The following CLIP2 variants were observed in gnomAD, a reference collection of about 807,000 sequenced individuals.
The protein encoded by CLIP2 is CAP-Gly domain containing linker protein 2.
In CLIP2, 41 loss-of-function variants were observed where a neutral mutation model predicts 111.7. That is an observed-to-expected ratio of 0.37 (90% confidence interval 0.29 to 0.48). CLIP2 has a LOEUF of 0.48. Ranked by LOEUF, CLIP2 falls within the 20% of genes least tolerant of loss-of-function variation. CLIP2 has a pLI of 0.99. For synonymous variants in CLIP2, 660 were observed against 644.2 expected, an observed-to-expected ratio of 1.02 and a Z score of -0.37; for missense variants, 1,160 against 1,422.1, an observed-to-expected ratio of 0.82 and a Z score of 2.96.
chr7:74,373,647 A>G (rs1790701615), intron 9 of CLIP2, among the ~76,000 whole-genome samples: 1 of 152,118 alleles, frequency 6.6e-6, no homozygotes. Flanking sequence ...GAGACCCCCC[A>G]GTCTCCCCGA....
chr7:74,371,332 G>A (rs1004357630), intron 8 of CLIP2, among the ~76,000 whole-genome samples: 6 of 151,788 alleles, frequency 4.0e-5, no homozygotes, highest in Admixed American at 6.6e-5. Context: ...CGAAGCTGGA[G>A]GCTTTTTCTT....
intron 11 of CLIP2, among the ~76,000 whole-genome samples, chr7:74,382,015 A>G (rs1189284755): frequency 2.6e-5 from 4 of 152,180 alleles, no homozygotes; most frequent in East Asian, 3.8e-4. Flanking sequence ...ATCTTTGCCA[A>G]TCTGAAAGGT....
rs141766786 is a variant in CLIP2 at position 74,316,734 on chromosome 7, G to A, written c.-67-746G>A. 1.2e-3 allele frequency among the ~76,000 whole-genome samples: 175 copies of A among 152,110 alleles called. 1 individual carries two copies. Among genetic ancestry groups the A allele is most frequent in the African/African-American group, 4.0e-3 (168 of 41,500 alleles). ...GTGCTACTAAGCCTGGCTAATTTTT[G>A]TATTTTTAGTAGACACAGGGTTTCA... On this transcript the variant is annotated intron_variant, in intron 1 of 16. Coordinates refer to ENST00000223398, the MANE Select transcript of CLIP2 (RefSeq NM_003388.5).
intron 6 of CLIP2, among the ~76,000 whole-genome samples, 165 bp downstream of exon 6, chr7:74,357,642 A>G (rs542212178): frequency 6.6e-6 from 1 of 152,290 alleles, no homozygotes; most frequent in Non-Finnish European, 1.5e-5. Context: ...TGACCTGGTG[A>G]ATTTCCTTCC....
chr7:74,301,782 G>A (rs375864865), intron 1 of CLIP2, among the ~76,000 whole-genome samples: 2 of 151,164 alleles, frequency 1.3e-5, no homozygotes, highest in South Asian at 2.1e-4. Context: ...GCGTGATCTC[G>A]GCTCACTGCA....
chr7:74,380,639 T>A, intron 10 of CLIP2, 167 bp from the exon 11 acceptor site: 1 of 545,646 alleles, frequency 1.8e-6, no homozygotes, highest in Non-Finnish European at 3.3e-6. Context: ...GAGGTCCGAC[T>A]GAGGACGTCT....
At chr7:74,353,715 G>A (rs1308137410) in intron 3 of CLIP2, among the ~76,000 whole-genome samples, 165 bp from the exon 4 acceptor site, 1 of 152,152 alleles carries the variant, frequency 6.6e-6, no homozygotes, top group African/African-American at 2.4e-5. Flanking sequence ...TGGTTAACCT[G>A]TCTCCATCTC....
At chr7:74,314,865 T>C (rs1308474841) in intron 1 of CLIP2, among the ~76,000 whole-genome samples, 1 of 151,856 alleles carries the variant, frequency 6.6e-6, no homozygotes, top group Non-Finnish European at 1.5e-5. Context: ...GCCAGTCCCA[T>C]CTTGCTGCCC....
chr7:74,321,566 T>C (rs1788953981), intron 2 of CLIP2, among the ~76,000 whole-genome samples: 1 of 151,942 alleles, frequency 6.6e-6, no homozygotes, highest in Non-Finnish European at 1.5e-5. Flanking sequence ...ACCTCCCGGG[T>C]TCAAGTGATT....
chr7:74,349,447 A>AAAT lies in CLIP2; in HGVS notation c.679-4433_679-4432insAAT, dbSNP rs371185115. 1.2e-4 allele frequency among the ~76,000 whole-genome samples: 9 copies of AAAT among 75,746 alleles called. 1 individual carries two copies. The highest frequency in any genetic ancestry group is 4.1e-4 in the East Asian group (1 of 2,442). 49.7% of individuals were successfully genotyped at this position (75,746 alleles called of 152,430 possible). A position where few individuals can be genotyped will look rare whatever the true frequency, so the allele number is the denominator to read the frequency against. On this transcript the variant is annotated intron_variant, in intron 3 of 16. Coordinates refer to ENST00000223398, the MANE Select transcript of CLIP2 (RefSeq NM_003388.5). ...TCTGTCTCAAAAAAAAAAAAAAAAA[A>AAAT]GTATGTATGTGTGTGTGTGTGTGTA...
At chr7:74,332,715 C>T (rs1418928178) in intron 2 of CLIP2, among the ~76,000 whole-genome samples, 4 of 152,130 alleles carry the variant, frequency 2.6e-5, no homozygotes, top group Non-Finnish European at 5.9e-5. Context: ...CCACATCATT[C>T]GAGGTGGAGC....
In CLIP2 at chr7:74,380,697, C is replaced by A. The variant is rs1187772060; in HGVS notation, c.2422-109C>A. ...GTCCCTGAGTCCGTCACTGAGGTCC[C>A]CCTTTGTAGGAGTAGGGTGTGCAAA... On this transcript the variant is annotated intron_variant, in intron 10 of 16. Transcript: ENST00000223398. 26 of 850,636 alleles carry A rather than the reference C, an allele frequency of 3.1e-5. No individual in the cohort carries two copies. In the Admixed American group the frequency reaches 6.0e-4, roughly 20 times the overall value. 52.7% of individuals were successfully genotyped at this position (850,636 alleles called of 1,614,324 possible).
chr7:74,338,652 C>T lies in CLIP2; in HGVS notation c.326C>T (p.Ala109Val). 2 of 1,571,160 alleles carry T rather than the reference C, an allele frequency of 1.3e-6. No homozygotes were observed. The highest frequency in any genetic ancestry group is 1.9e-5 in the Admixed American group (1 of 53,428). The change falls in exon 3 of 17, where the codon GCT becomes GTT. Residue 109 changes from alanine (A) to valine (V), a missense_variant. This residue lies in a region of CLIP2 where 301 missense variants were observed against 315.2 expected (regional missense o/e 0.96). Transcript: ENST00000223398. This position sits in a 1 kb window ranked among gnomAD's most constrained non-coding sequence, Gnocchi z 4.3. ...GETQFAPGQW[A>V]GVVLDDPVGK... ...ACGCAGTTCGCACCGGGCCAGTGGG[C>T]TGGCGTGGTGCTGGACGACCCGGTG... is the stretch of plus-strand genomic sequence containing the variant.
Position 74,351,030 on chromosome 7 carries a change from AGAAGGGAAG to A in CLIP2, c.679-2836_679-2828del, listed in dbSNP as rs782104615. On this transcript the variant is annotated intron_variant, in intron 3 of 16. Transcript: ENST00000223398. ...AAAGAAAGAAGGAAGGAAAGGGAAG[AGAAGGGAAG>A]GAAGGGAAGGAAGAGAAGAAAGAAA... 7.3e-3 allele frequency among the ~76,000 whole-genome samples: 1,068 copies of A among 145,612 alleles called. 8 individuals carry two copies. Among genetic ancestry groups the A allele is most frequent in the Non-Finnish European group, 0.011 (708 of 66,356 alleles).
Position 74,299,412 on chromosome 7 carries a change from C to A in CLIP2, c.-68+9678C>A, listed in dbSNP as rs576964682. Reference sequence around the variant, plus strand: ...ATTAGTGACTGTCCTAATCCCTGGGCCACCAAGTTCTGTTCCTCCTCCACT... The same window carrying A: ...ATTAGTGACTGTCCTAATCCCTGGGACACCAAGTTCTGTTCCTCCTCCACT... On this transcript the variant is annotated intron_variant, in intron 1 of 16. Transcript: ENST00000223398. Among the ~76,000 whole-genome samples the A allele has an allele frequency of 2.0e-5, 3 of 152,314 alleles. No homozygotes were observed. The South Asian group carries it at 6.2e-4, about 32-fold the overall frequency.
chr7:74,317,738 C>T, intron 2 of CLIP2, 71 bp downstream of exon 2: 1 of 1,352,806 alleles, frequency 7.4e-7, no homozygotes. Flanking sequence ...TGGAAGAGCC[C>T]CAGGAGCACA....
At chr7:74,320,983 A>G (rs577420654) in intron 2 of CLIP2, among the ~76,000 whole-genome samples, 1 of 152,142 alleles carries the variant, frequency 6.6e-6, no homozygotes, top group Admixed American at 6.6e-5. Context: ...CCTTCTGGGT[A>G]CTTTCCCCTT....
intron 7 of CLIP2, 63 bp from the exon 8 acceptor site, chr7:74,364,192 C>G: frequency 6.8e-7 from 1 of 1,468,450 alleles, no homozygotes; most frequent in South Asian, 1.2e-5. Context: ...TGCTGTTGCT[C>G]ATTCGGTGAA....
At chr7:74,373,127 C>G in intron 9 of CLIP2, 91 bp downstream of exon 9, 1 of 700,152 alleles carries the variant, frequency 1.4e-6, no homozygotes, top group Non-Finnish European at 2.4e-6. Flanking sequence ...GACTCTCTTT[C>G]TTTAGCTGCT....
Sources: gnomAD v4.1 joint callset for allele counts (sites outside exome capture counted in the v4.1 genomes callset) on GRCh38, gnomAD v4.1.1 for gene constraint, gnomAD v4.1.1 regional missense constraint, Gnocchi (gnomAD v3.1) non-coding constraint, MANE v1.5 for transcripts, NCBI Gene and HGNC (gene_info 2026-07-23, HGNC 2026-07-21) for gene names.